The following LMBR1 variants were observed in gnomAD, a reference collection of about 807,000 sequenced individuals.
The protein encoded by LMBR1 is limb region 1 protein homolog.
A neutral mutation model predicts 73.9 loss-of-function variants in LMBR1; 52 were observed. That is an observed-to-expected ratio of 0.70 (90% CI 0.56 to 0.89). LMBR1 has a LOEUF of 0.89. Ranked by LOEUF, LMBR1 falls within the 40% of genes least tolerant of loss-of-function variation. LMBR1 has a pLI of 0.00. For missense variants in LMBR1, 539 were observed against 579.8 expected (o/e 0.93, Z 0.72); for synonymous variants, 215 against 209.4 (o/e 1.03, Z -0.23).
intron 1 of LMBR1, among the ~76,000 whole-genome samples, chr7:156,872,422 C>CG (rs1309406358): frequency 1.3e-5 from 2 of 151,900 alleles, no homozygotes; most frequent in African/African-American, 4.8e-5. Flanking sequence ...CCCAAGCAGA[C>CG]GGATCACCTG....
At chr7:156,830,092 T>A (rs2133855281) in intron 3 of LMBR1, among the ~76,000 whole-genome samples, 1 of 152,322 alleles carries the variant, frequency 6.6e-6, no homozygotes. Flanking sequence ...AATCTGAATG[T>A]GACCTTCTAT....
At chr7:156,886,870 T>G (rs965956671) in intron 1 of LMBR1, among the ~76,000 whole-genome samples, 1 of 152,186 alleles carries the variant, frequency 6.6e-6, no homozygotes, top group Non-Finnish European at 1.5e-5. Context: ...TTAACATTAA[T>G]GCTGGTCAGC....
chr7:156,779,276 T>C (rs1826695248), intron 5 of LMBR1, among the ~76,000 whole-genome samples: 1 of 152,338 alleles, frequency 6.6e-6, no homozygotes, highest in East Asian at 1.9e-4. Flanking sequence ...TAAATTACTT[T>C]AGCGAAACTC....
chr7:156,881,706 C>G (rs1586443524), intron 1 of LMBR1, among the ~76,000 whole-genome samples: 1 of 151,776 alleles, frequency 6.6e-6, no homozygotes, highest in Non-Finnish European at 1.5e-5. Context: ...TACAAACAGC[C>G]AACATGTATA....
At chr7:156,716,549 T>C (rs1813252494) in intron 15 of LMBR1, among the ~76,000 whole-genome samples, 1 of 152,228 alleles carries the variant, frequency 6.6e-6, no homozygotes, top group African/African-American at 2.4e-5. Context: ...GGTAACTGGC[T>C]GCGATCTTCC....
At chr7:156,888,357 C>T (rs1269733268) in intron 1 of LMBR1, among the ~76,000 whole-genome samples, 3 of 150,138 alleles carry the variant, frequency 2.0e-5, no homozygotes, top group Non-Finnish European at 4.4e-5. Flanking sequence ...TTGCAGTGAG[C>T]CGAGATTGAG....
At chr7:156,837,277 A>T (rs1837818410) in intron 1 of LMBR1, among the ~76,000 whole-genome samples, 1 of 151,764 alleles carries the variant, frequency 6.6e-6, no homozygotes, top group African/African-American at 2.4e-5. Context: ...GGAGGTTGCA[A>T]TGAACCAAGA....
intron 15 of LMBR1, among the ~76,000 whole-genome samples, chr7:156,710,366 G>A (rs576781194): frequency 6.6e-6 from 1 of 152,280 alleles, no homozygotes; most frequent in South Asian, 2.1e-4. Flanking sequence ...AACACACTTA[G>A]AGAAATACCA....
chr7:156,820,444 T>C (rs548292119), intron 4 of LMBR1, among the ~76,000 whole-genome samples: 2 of 152,284 alleles, frequency 1.3e-5, no homozygotes, highest in African/African-American at 4.8e-5. Flanking sequence ...GCCCATTATG[T>C]TGACGATATT....
chr7:156,671,824 C>T (rs772776095), intron 4 of LMBR1, among the ~76,000 whole-genome samples: 41 of 145,806 alleles, frequency 2.8e-4, no homozygotes, highest in Non-Finnish European at 5.8e-4. Flanking sequence ...CACGGTGCAG[C>T]TGAGGCTAGA....
In LMBR1 at chr7:156,714,851, A is replaced by C. The variant is rs145779984; in HGVS notation, c.1225+9261T>G. On this transcript the variant is annotated intron_variant, in intron 15 of 16. Coordinates refer to ENST00000353442, the MANE Select transcript of LMBR1 (RefSeq NM_022458.4). ...ACATAAAGACTGACTTACTAAAAAC[A>C]ATTAGGCCCTGGCATTAGACTGCCA... 9.7e-3 allele frequency among the ~76,000 whole-genome samples: 1,482 copies of C among 152,350 alleles called. 14 individuals carry two copies. Among genetic ancestry groups the C allele is most frequent in the Admixed American group, 0.016 (247 of 15,306 alleles).
At chr7:156,776,816 C>G (rs10266196) in intron 5 of LMBR1, among the ~76,000 whole-genome samples, 152,112 of 152,326 alleles carry the variant, frequency 1, 75,951 homozygotes, top group Middle Eastern at 1. Context: ...GTCAAAAAAA[C>G]TTTGTATTAT....
chr7:156,752,786 A>G (rs1821142544), intron 9 of LMBR1, among the ~76,000 whole-genome samples: 1 of 152,170 alleles, frequency 6.6e-6, no homozygotes, highest in Non-Finnish European at 1.5e-5. Context: ...GCCAGGCAAG[A>G]GGGTCAGTCA....
intron 3 of LMBR1, among the ~76,000 whole-genome samples, chr7:156,827,280 C>G (rs1835864835): frequency 6.6e-6 from 1 of 151,942 alleles, no homozygotes; most frequent in Non-Finnish European, 1.5e-5. Context: ...AAACAGAAAA[C>G]TATTAAACAG....
At chr7:156,838,997 AT>A (rs1563498489) in intron 1 of LMBR1, among the ~76,000 whole-genome samples, 2 of 137,882 alleles carry the variant, frequency 1.5e-5, no homozygotes, top group South Asian at 4.5e-4. Context: ...TCATATACCT[AT>A]TGGCCATCTG....
chr7:156,786,131 G>C (rs1828034647), intron 5 of LMBR1, among the ~76,000 whole-genome samples: 1 of 150,942 alleles, frequency 6.6e-6, no homozygotes, highest in Admixed American at 6.6e-5. Flanking sequence ...GGCTGTGAAG[G>C]AGGGAAAGAA....
Position 156,826,699 on chromosome 7 carries a change from A to G in LMBR1, c.225T>C (p.Val75=), listed in dbSNP as rs764377671. 1 of 1,611,880 alleles carries G rather than the reference A, an allele frequency of 6.2e-7. No homozygotes were observed. ...TGATGATTGAGAAGGGTAAAAGCAA[A>G]ACAGCCCCAGCTGACACTGCGAGAG... ...TFTLAVSAGA[V]LLLPFSIISN... The change falls in exon 4 of 17, where the codon GTT becomes GTC. Residue 75 remains valine (V), a synonymous_variant. Transcript: ENST00000353442.
chr7:156,728,744 A>C, intron 10 of LMBR1, 24 bp from the exon 11 acceptor site: 1 of 1,516,028 alleles, frequency 6.6e-7, no homozygotes, highest in Admixed American at 2.0e-5. Context: ...AAACAAAATA[A>C]AACAAAGTTT....
At chr7:156,880,054 T>C (rs1354338860) in intron 1 of LMBR1, among the ~76,000 whole-genome samples, 1 of 152,172 alleles carries the variant, frequency 6.6e-6, no homozygotes, top group Admixed American at 6.5e-5. Flanking sequence ...TGCATACACG[T>C]TTATAGCAGC....
Sources: allele counts gnomAD v4.1 joint callset (sites outside exome capture counted in the v4.1 genomes callset), GRCh38; gene constraint gnomAD v4.1.1; transcripts MANE v1.5; gene names NCBI Gene and HGNC (gene_info 2026-07-23, HGNC 2026-07-21).